The following PPARGC1A variants were observed in gnomAD, a reference collection of about 807,000 sequenced individuals.
PPARGC1A encodes the protein PPARG coactivator 1 alpha, also known as peroxisome proliferator-activated receptor gamma coactivator 1-alpha.
In PPARGC1A, 25 loss-of-function variants were observed where a neutral mutation model predicts 88.7. The observed-to-expected ratio is 0.28, with a 90% confidence interval of 0.21 to 0.39. The LOEUF (loss-of-function observed/expected upper bound fraction) is 0.39. Among genes scored for constraint, PPARGC1A ranks in the 10% least tolerant of loss-of-function variants. PPARGC1A has a pLI of 1.00. For synonymous variants in PPARGC1A, 363 were observed against 355.6 expected (o/e 1.02, Z -0.24); for missense variants, 880 against 968.7 (o/e 0.91, Z 1.22).
chr4:23,847,264 GTGGCATACTGAGA>G (rs1728485175), intron 2 of PPARGC1A, among the ~76,000 whole-genome samples: 1 of 152,170 alleles, frequency 6.6e-6, no homozygotes, highest in Admixed American at 6.5e-5. Context: ...AGAACCAGCT[GTGGCATACTGAGA>G]TGCCCAGAAT....
At chr4:24,402,239 G>GGA in the PPARGC1A span, among the ~76,000 whole-genome samples, 1 of 152,176 alleles carries the variant, frequency 6.6e-6, no homozygotes, top group African/African-American at 2.4e-5. Context: ...GTTGAGCGGT[G>GGA]GAGAGAGATA....
chr4:24,093,720 A>G, the PPARGC1A span, among the ~76,000 whole-genome samples: 818 of 152,296 alleles, frequency 5.4e-3, 8 homozygotes, highest in East Asian at 0.052. Flanking sequence ...CAATGTAGTT[A>G]TATCTGTTCT....
the PPARGC1A span, among the ~76,000 whole-genome samples, chr4:23,989,325 T>A: frequency 1.3e-5 from 2 of 151,982 alleles, no homozygotes; most frequent in Admixed American, 1.3e-4. Flanking sequence ...AGATTTTTTT[T>A]AAATGTATGC....
At chr4:24,034,161 G>A in the PPARGC1A span, among the ~76,000 whole-genome samples, 1 of 152,120 alleles carries the variant, frequency 6.6e-6, no homozygotes, top group Non-Finnish European at 1.5e-5. Context: ...CAGTCCTAAT[G>A]CCTTTTTCTT....
chr4:23,801,212 C>G lies in PPARGC1A; in HGVS notation c.2293+518G>C, dbSNP rs560042559. Among the ~76,000 whole-genome samples, 1,138 of 137,654 alleles carry G rather than the reference C, an allele frequency of 8.3e-3. 10 individuals carry two copies. Among genetic ancestry groups the G allele is most frequent in the African/African-American group, 0.026 (983 of 37,850 alleles). 90.3% of individuals were successfully genotyped at this position (137,654 alleles called of 152,430 possible). A position where few individuals can be genotyped will look rare whatever the true frequency, so the allele number is the denominator to read the frequency against. ...ACAAACACACACACACACACACACA[C>G]ATGAATCATAAACACATGTAGACAC... On this transcript the variant is annotated intron_variant, in intron 12 of 12. Transcript: ENST00000264867.
At chr4:24,414,034 G>T in the PPARGC1A span, among the ~76,000 whole-genome samples, 13 of 152,164 alleles carry the variant, frequency 8.5e-5, no homozygotes, top group Admixed American at 8.5e-4. Flanking sequence ...GGTCTCCAAA[G>T]CCCATGCTCT....
the PPARGC1A span, among the ~76,000 whole-genome samples, chr4:23,964,725 T>C: frequency 6.6e-6 from 1 of 152,114 alleles, no homozygotes; most frequent in African/African-American, 2.4e-5. Context: ...GAGAATCCTT[T>C]TGAGGGCAGA....
the PPARGC1A span, among the ~76,000 whole-genome samples, chr4:24,005,219 AT>A: frequency 6.6e-6 from 1 of 152,164 alleles, no homozygotes; most frequent in Non-Finnish European, 1.5e-5. Context: ...GCATATTTAT[AT>A]TTTTATATAT....
the PPARGC1A span, among the ~76,000 whole-genome samples, chr4:24,381,409 C>T: frequency 6.6e-6 from 1 of 152,160 alleles, no homozygotes; most frequent in Non-Finnish European, 1.5e-5. Context: ...AAAAGAAAGG[C>T]ACTGATTGTT....
At chr4:24,021,323 T>G in the PPARGC1A span, among the ~76,000 whole-genome samples, 1 of 152,158 alleles carries the variant, frequency 6.6e-6, no homozygotes, top group Non-Finnish European at 1.5e-5. Flanking sequence ...CACTCAGGTC[T>G]TCCAAAGCCC....
chr4:24,009,861 C>T, the PPARGC1A span, among the ~76,000 whole-genome samples: 1 of 152,102 alleles, frequency 6.6e-6, no homozygotes, highest in Non-Finnish European at 1.5e-5. Context: ...TCAGTTTAAC[C>T]TGCTATTTTA....
chr4:24,366,705 G>T, the PPARGC1A span, among the ~76,000 whole-genome samples: 11 of 152,090 alleles, frequency 7.2e-5, no homozygotes, highest in African/African-American at 2.7e-4. Context: ...CTCTCCCCAA[G>T]ACCTAAATTC....
the PPARGC1A span, among the ~76,000 whole-genome samples, chr4:24,208,613 A>C: frequency 1.3e-5 from 2 of 151,290 alleles, no homozygotes; most frequent in Non-Finnish European, 2.9e-5. Context: ...AAGGACCAAA[A>C]GACAAATCAG....
the PPARGC1A span, among the ~76,000 whole-genome samples, chr4:24,220,955 T>C: frequency 2.0e-5 from 3 of 152,218 alleles, no homozygotes; most frequent in Non-Finnish European, 4.4e-5. Context: ...TAGCAAATCC[T>C]ACTCACCCAC....
At chr4:23,864,586 C>T (rs1731822703) in intron 2 of PPARGC1A, among the ~76,000 whole-genome samples, 1 of 152,196 alleles carries the variant, frequency 6.6e-6, no homozygotes, top group Non-Finnish European at 1.5e-5. Context: ...TGAACATGCA[C>T]TCAAGAACAA....
the PPARGC1A span, among the ~76,000 whole-genome samples, chr4:24,081,569 C>T: frequency 1.3e-5 from 2 of 152,064 alleles, no homozygotes; most frequent in African/African-American, 4.8e-5. Flanking sequence ...TCTTACTTTT[C>T]CACCACACAA....
the PPARGC1A span, among the ~76,000 whole-genome samples, chr4:24,127,007 C>G: frequency 3.3e-3 from 498 of 152,182 alleles, 5 homozygotes; most frequent in African/African-American, 0.012. Flanking sequence ...CGAGCCAAGC[C>G]GTGGGTCAGC....
At chr4:23,959,412 A>T in the PPARGC1A span, among the ~76,000 whole-genome samples, 1 of 152,258 alleles carries the variant, frequency 6.6e-6, no homozygotes, top group African/African-American at 2.4e-5. Context: ...AATGTGTATG[A>T]CATACTCCTG....
At chr4:24,152,146 A>G in the PPARGC1A span, among the ~76,000 whole-genome samples, 1 of 152,212 alleles carries the variant, frequency 6.6e-6, no homozygotes, top group Non-Finnish European at 1.5e-5. Context: ...TCTTCGATTT[A>G]AGCCACTTCC....
Sources: allele counts gnomAD v4.1 joint callset (sites outside exome capture counted in the v4.1 genomes callset), GRCh38; gene constraint gnomAD v4.1.1; transcripts MANE v1.5; gene names NCBI Gene and HGNC (gene_info 2026-07-23, HGNC 2026-07-21).